NR1H4: variants seen among roughly 807,000 people sequenced by gnomAD.
The protein encoded by NR1H4 is nuclear receptor subfamily 1 group H member 4.
NR1H4 carries 23 observed loss-of-function variants against 58.5 expected under a neutral mutation model. The ratio of observed to expected loss-of-function variants is 0.39; its 90% CI spans 0.28 to 0.56. The LOEUF is 0.56. Ranked by LOEUF, NR1H4 falls within the 20% of genes least tolerant of loss-of-function variation. The pLI is 0.58. For missense variants in NR1H4, 487 were observed against 576.9 expected, an observed-to-expected ratio of 0.84 and a Z score of 1.60; for synonymous variants, 214 against 198.0, an observed-to-expected ratio of 1.08 and a Z score of -0.68.
At chr12:100,480,909 G>A (rs1020459000) in intron 1 of NR1H4, among the ~76,000 whole-genome samples, 7 of 152,206 alleles carry the variant, frequency 4.6e-5, no homozygotes, top group Non-Finnish European at 8.8e-5. Context: ...CGTCAGCTGG[G>A]ATAGTTGGAA....
chr12:100,515,296 C>T (rs529003744), intron 4 of NR1H4, among the ~76,000 whole-genome samples: 3 of 151,682 alleles, frequency 2.0e-5, no homozygotes, highest in Admixed American at 6.6e-5. Flanking sequence ...TCAGCCTCCC[C>T]GAGTAGCTGG....
intron 1 of NR1H4, among the ~76,000 whole-genome samples, chr12:100,478,452 A>T (rs1953314520): frequency 2.0e-5 from 3 of 152,210 alleles, no homozygotes; most frequent in Admixed American, 2.0e-4. Flanking sequence ...TAATTGGCAA[A>T]GTTGAGGACA....
At chr12:100,531,649 G>A (rs890147035) in intron 4 of NR1H4, among the ~76,000 whole-genome samples, 2 of 152,152 alleles carry the variant, frequency 1.3e-5, no homozygotes, top group Admixed American at 1.3e-4. Flanking sequence ...ATTCAACACT[G>A]CCTCCTTGAC....
intron 9 of NR1H4, among the ~76,000 whole-genome samples, chr12:100,555,923 C>T (rs1158728174): frequency 6.6e-6 from 1 of 152,016 alleles, no homozygotes; most frequent in Non-Finnish European, 1.5e-5. Flanking sequence ...GTATTTAGTT[C>T]ATTCTGTAAC....
intron 9 of NR1H4, among the ~76,000 whole-genome samples, chr12:100,551,235 A>C (rs1015927145): frequency 3.9e-5 from 6 of 152,238 alleles, no homozygotes; most frequent in African/African-American, 1.4e-4. Context: ...TAGACAATGA[A>C]GTCAGAGAAA....
At chr12:100,516,852 A>G (rs1452254518) in intron 4 of NR1H4, among the ~76,000 whole-genome samples, 2 of 152,218 alleles carry the variant, frequency 1.3e-5, no homozygotes. Flanking sequence ...ATACTTTAGT[A>G]ATACACTTAT....
chr12:100,475,987 G>T (rs531368024), intron 1 of NR1H4, among the ~76,000 whole-genome samples: 1 of 152,280 alleles, frequency 6.6e-6, no homozygotes, highest in Non-Finnish European at 1.5e-5. Context: ...GCCCGCCTCG[G>T]CTTCCCAGAG....
At chr12:100,519,323 G>T (rs1454608836) in intron 4 of NR1H4, among the ~76,000 whole-genome samples, 1 of 152,110 alleles carries the variant, frequency 6.6e-6, no homozygotes, top group Non-Finnish European at 1.5e-5. Context: ...TTAAGGGAGG[G>T]TTGTGGAGGG....
chr12:100,552,251 G>A lies in NR1H4; in HGVS notation c.1079-9634G>A, dbSNP rs117875365. Among the ~76,000 whole-genome samples, 36 of 152,126 alleles carry A rather than the reference G, an allele frequency of 2.4e-4. 1 individual carries two copies. The East Asian group carries it at 5.8e-3, about 25-fold the overall frequency. Reference sequence around the variant, plus strand: ...AGCCCTGGTGAGACCTAATTAGGCCGGATAGTTTTTAGCCACTAGGACTAA... The same window carrying A: ...AGCCCTGGTGAGACCTAATTAGGCCAGATAGTTTTTAGCCACTAGGACTAA... On this transcript the variant is annotated intron_variant, in intron 9 of 10. Coordinates refer to ENST00000392986, the MANE Select transcript of NR1H4 (RefSeq NM_001206979.2).
At chr12:100,532,690 C>T (rs1954724328) in intron 5 of NR1H4, 80 bp downstream of exon 5, 22 of 1,295,100 alleles carry the variant, frequency 1.7e-5, no homozygotes, top group Non-Finnish European at 2.4e-5. Context: ...GAGAGTGCTA[C>T]TTCACATATT....
At chr12:100,520,153 C>G (rs1279082195) in intron 4 of NR1H4, among the ~76,000 whole-genome samples, 1 of 152,114 alleles carries the variant, frequency 6.6e-6, no homozygotes, top group Non-Finnish European at 1.5e-5. Flanking sequence ...CCACTTCCCC[C>G]ATGCACATCT....
chr12:100,508,349 C>G (rs921063241), intron 3 of NR1H4, among the ~76,000 whole-genome samples: 4 of 152,032 alleles, frequency 2.6e-5, no homozygotes, highest in African/African-American at 9.7e-5. Context: ...AGGGTAGAGT[C>G]ATGCAGAAGC....
At chr12:100,545,946 A>G (rs1287956718) in intron 9 of NR1H4, among the ~76,000 whole-genome samples, 2 of 152,162 alleles carry the variant, frequency 1.3e-5, no homozygotes, top group Non-Finnish European at 2.9e-5. Flanking sequence ...GGAAGGCATG[A>G]TTGGGCATGA....
intron 4 of NR1H4, among the ~76,000 whole-genome samples, chr12:100,517,516 A>C (rs1167121203): frequency 2.0e-5 from 3 of 152,198 alleles, no homozygotes; most frequent in Admixed American, 6.5e-5. Context: ...TCTCTTTGAC[A>C]TACTGATTTC....
intron 8 of NR1H4, among the ~76,000 whole-genome samples, chr12:100,539,721 C>T (rs1415172896): frequency 2.6e-5 from 4 of 152,102 alleles, no homozygotes; most frequent in African/African-American, 9.7e-5. Context: ...AGGCCTCTGC[C>T]CCCAAGAAAT....
At chr12:100,552,494 C>T (rs940209820) in intron 9 of NR1H4, among the ~76,000 whole-genome samples, 13 of 152,100 alleles carry the variant, frequency 8.5e-5, no homozygotes, top group African/African-American at 3.1e-4. Flanking sequence ...TCCCTTGTCC[C>T]CATCACATCT....
intron 4 of NR1H4, among the ~76,000 whole-genome samples, chr12:100,530,461 A>G (rs1006670945): frequency 1.3e-5 from 2 of 152,258 alleles, no homozygotes; most frequent in African/African-American, 4.8e-5. Context: ...ACAGTCTGTT[A>G]AAATAGGAAG....
intron 3 of NR1H4, 53 bp from the exon 4 acceptor site, chr12:100,510,725 C>T (rs1954089125): frequency 1.9e-6 from 3 of 1,610,360 alleles, no homozygotes; most frequent in African/African-American, 2.7e-5. Flanking sequence ...AACTGCCTCT[C>T]TAATTTCCAG....
chr12:100,510,874 C>A lies in NR1H4; in HGVS notation c.176C>A (p.Pro59Gln), dbSNP rs919024638. 1.9e-6 allele frequency: 3 copies of A among 1,614,056 alleles called. No homozygotes were observed. The highest frequency in any genetic ancestry group is 2.5e-6 in the Non-Finnish European group (3 of 1,180,048). The change falls in exon 4 of 11, where the codon CCA (proline) becomes CAA (glutamine). Residue 59 changes from proline (P) to glutamine (Q), a missense_variant. Coordinates refer to ENST00000392986, the MANE Select transcript of NR1H4 (RefSeq NM_001206979.2). Reference protein sequence around the residue: ...YSNVQFPQVQPQISSSSYYSN... With the variant: ...YSNVQFPQVQQQISSSSYYSN... ...AATGTTCAGTTTCCCCAAGTTCAAC[C>A]ACAGATTTCCTCGTCATCCTATTAT...
Sources: allele counts gnomAD v4.1 joint callset (sites outside exome capture counted in the v4.1 genomes callset), GRCh38; gene constraint gnomAD v4.1.1; transcripts MANE v1.5; gene names NCBI Gene and HGNC (gene_info 2026-07-23, HGNC 2026-07-21).